The following MICAL2 variants were observed in gnomAD, a reference collection of about 807,000 sequenced individuals.
MICAL2 encodes microtubule associated monooxygenase, calponin and LIM domain containing 2, also known as [F-actin]-monooxygenase MICAL2.
MICAL2 carries 77 observed loss-of-function variants against 127.3 expected under a neutral mutation model. That is an observed-to-expected ratio of 0.60 (90% CI 0.50 to 0.73). MICAL2 has a LOEUF of 0.73. Ranked by LOEUF, MICAL2 falls within the 30% of genes least tolerant of loss-of-function variation. MICAL2 has a pLI of 0.00. For missense variants in MICAL2, 1,351 were observed against 1,434.4 expected (o/e 0.94, Z 0.94); for synonymous variants, 570 against 551.1 (o/e 1.03, Z -0.48).
intron 29 of MICAL2, among the ~76,000 whole-genome samples, chr11:12,313,407 A>G (rs1282449611): frequency 6.6e-6 from 1 of 152,106 alleles, no homozygotes; most frequent in Admixed American, 6.6e-5. Context: ...AGAAGGTCAG[A>G]GGAAGCTGCT....
intron 5 of MICAL2, among the ~76,000 whole-genome samples, chr11:12,209,161 A>G (rs531856997): frequency 6.6e-6 from 1 of 152,368 alleles, no homozygotes; most frequent in Admixed American, 6.5e-5. Flanking sequence ...ATGTGGGAGA[A>G]TGTGAAGAGA....
intron 1 of MICAL2, among the ~76,000 whole-genome samples, chr11:12,111,091 G>A (rs908685309): frequency 9.9e-5 from 15 of 152,192 alleles, no homozygotes; most frequent in Admixed American, 9.8e-4. Flanking sequence ...CTGTCACCTG[G>A]CAGAAGACCA....
intron 1 of MICAL2, among the ~76,000 whole-genome samples, chr11:12,127,530 A>C (rs1460713997): frequency 6.6e-6 from 1 of 152,174 alleles, no homozygotes; most frequent in Non-Finnish European, 1.5e-5. Context: ...TGTGTGCTGC[A>C]TGGAGAGGGG....
downstream of MICAL2, chr11:12,358,730 G>T (rs560444300): frequency 1.1e-4 from 32 of 293,530 alleles, no homozygotes; most frequent in African/African-American, 6.4e-4. Context: ...CAGACTGGAG[G>T]TGTTGTTGGC....
chr11:12,293,561 A>G (rs1590724792), downstream of MICAL2: 1 of 1,599,186 alleles, frequency 6.3e-7, no homozygotes, highest in Middle Eastern at 1.7e-4. Context: ...TCCCATCTAG[A>G]TGACAGCTTC....
intron 26 of MICAL2, 130 bp downstream of exon 26, chr11:12,260,027 G>T: frequency 6.5e-7 from 1 of 1,546,718 alleles, no homozygotes; most frequent in Non-Finnish European, 8.7e-7. Context: ...TACAACTACT[G>T]CTACATGTAC....
chr11:12,300,703 C>G (rs536827739), intron 29 of MICAL2, among the ~76,000 whole-genome samples: 1 of 152,264 alleles, frequency 6.6e-6, no homozygotes, highest in Admixed American at 6.5e-5. Flanking sequence ...TGGAAGAGAA[C>G]CCTGAGCTAT....
chr11:12,117,432 G>A (rs1032033211), intron 1 of MICAL2, among the ~76,000 whole-genome samples: 2 of 152,232 alleles, frequency 1.3e-5, no homozygotes, highest in Non-Finnish European at 2.9e-5. Context: ...ACATGTTGAG[G>A]TGCAGAAACT....
chr11:12,234,447 T>A lies in MICAL2; in HGVS notation c.1996-1730T>A, dbSNP rs145564301. Among the ~76,000 whole-genome samples the A allele has an allele frequency of 6.0e-3, 921 of 152,312 alleles. 5 individuals carry two copies. The highest frequency in any genetic ancestry group is 0.01 in the Non-Finnish European group (686 of 68,020). ...GGAGCTGGGGGTCCAGACAGCCTGT[T>A]CCTCTAAGACCCAACATTGTTGCAA... On this transcript the variant is annotated intron_variant, in intron 15 of 27. Transcript: ENST00000683283.
chr11:12,185,212 G>C (rs1186030515), intron 3 of MICAL2, among the ~76,000 whole-genome samples: 1 of 147,942 alleles, frequency 6.8e-6, no homozygotes, highest in Non-Finnish European at 1.5e-5. Context: ...TGGGTGGGTG[G>C]CAGGATGGAT....
chr11:12,238,240 C>T (rs1590554249), intron 16 of MICAL2, among the ~76,000 whole-genome samples: 1 of 152,218 alleles, frequency 6.6e-6, no homozygotes, highest in South Asian at 2.1e-4. Flanking sequence ...GCTGTGGCAG[C>T]ACCATTTATA....
At chr11:12,236,137 G>C in intron 15 of MICAL2, 40 bp from the exon 16 acceptor site, 5 of 1,580,382 alleles carry the variant, frequency 3.2e-6, no homozygotes, top group Non-Finnish European at 4.4e-6. Flanking sequence ...GAAGCCCTTG[G>C]TGGCCCCCAG....
intron 1 of MICAL2, chr11:12,276,564 T>A (rs1863724394): frequency 6.4e-6 from 1 of 157,016 alleles, no homozygotes; most frequent in Non-Finnish European, 1.4e-5. Context: ...AGGCTAGGAT[T>A]CAGAGTGGGG....
chr11:12,358,018 T>C (rs1371726285), intron 34 of MICAL2, among the ~76,000 whole-genome samples: 1 of 152,112 alleles, frequency 6.6e-6, no homozygotes, highest in Non-Finnish European at 1.5e-5. Flanking sequence ...GGGGATTTGA[T>C]AGGGTTTGGC....
downstream of MICAL2, among the ~76,000 whole-genome samples, chr11:12,290,169 G>A (rs368594311): frequency 7.8e-4 from 119 of 152,332 alleles, no homozygotes; most frequent in Middle Eastern, 0.01. Context: ...CTGAGCTGGG[G>A]CTTTGCTTCC....
chr11:12,195,060 A>G (rs1020080282), intron 3 of MICAL2, among the ~76,000 whole-genome samples: 1 of 152,140 alleles, frequency 6.6e-6, no homozygotes, highest in African/African-American at 2.4e-5. Flanking sequence ...AGGGCCCACC[A>G]GCCTAGGCAA....
intron 3 of MICAL2, among the ~76,000 whole-genome samples, chr11:12,184,172 T>C (rs1179366927): frequency 1.3e-5 from 2 of 152,196 alleles, no homozygotes; most frequent in African/African-American, 4.8e-5. Flanking sequence ...TTGAGGGTGA[T>C]TGTGAGGCCT....
downstream of MICAL2, among the ~76,000 whole-genome samples, chr11:12,265,516 A>T (rs1396682753): frequency 6.6e-6 from 1 of 152,248 alleles, no homozygotes; most frequent in Non-Finnish European, 1.5e-5. Context: ...ACATTTTTAA[A>T]ACTTAATGTA....
intron 8 of MICAL2, 73 bp downstream of exon 8, chr11:12,216,392 T>G (rs1856161175): frequency 8.5e-7 from 1 of 1,182,300 alleles, no homozygotes; most frequent in Non-Finnish European, 1.3e-6. Flanking sequence ...TGAAGGCAGA[T>G]GTCGTCCTGC....
Sources: gnomAD v4.1 joint callset for allele counts (sites outside exome capture counted in the v4.1 genomes callset) on GRCh38, gnomAD v4.1.1 for gene constraint, MANE v1.5 for transcripts, NCBI Gene and HGNC (gene_info 2026-07-23, HGNC 2026-07-21) for gene names.